The following NAALADL2 variants were observed in gnomAD, a reference collection of about 807,000 sequenced individuals.
NAALADL2 encodes N-acetylated alpha-linked acidic dipeptidase like 2.
In NAALADL2, 76 loss-of-function variants were observed where a neutral mutation model predicts 87.2. The ratio of observed to expected loss-of-function variants is 0.87; its 90% confidence interval spans 0.72 to 1.05. The LOEUF (loss-of-function observed/expected upper bound fraction) is 1.05. NAALADL2 is among the 50% of genes least tolerant of loss of function. The pLI, the probability that NAALADL2 is intolerant of heterozygous loss-of-function variation, is 0.00. For synonymous variants in NAALADL2, 354 were observed against 331.0 expected (o/e 1.07, Z -0.75); for missense variants, 1,089 against 945.8 (o/e 1.15, Z -1.99).
At chr3:174,881,971 T>C (rs890456718) in intron 1 of NAALADL2, among the ~76,000 whole-genome samples, 2 of 152,192 alleles carry the variant, frequency 1.3e-5, no homozygotes, top group African/African-American at 2.4e-5. Flanking sequence ...TTTAATGATA[T>C]GTATTTATCT....
chr3:174,496,983 A>G (rs1718589672), intron 1 of NAALADL2, among the ~76,000 whole-genome samples: 2 of 152,190 alleles, frequency 1.3e-5, no homozygotes, highest in African/African-American at 2.4e-5. Context: ...TACTTGTTCC[A>G]TTACTTGCTT....
In NAALADL2 at chr3:175,457,982, C is replaced by G. The variant is rs12495857; in HGVS notation, c.1235-5419C>G. ...AGATTCAATAGGTTATAAACCAGTA[C>G]TATTTGTATCTTAATACTCAAATTG... On this transcript the variant is annotated intron_variant, in intron 6 of 13. Transcript: ENST00000454872. Among the ~76,000 whole-genome samples the G allele has an allele frequency of 5.6e-3, 852 of 152,098 alleles. 3 individuals carry two copies. Among genetic ancestry groups the G allele is most frequent in the Middle Eastern group, 0.024 (7 of 294 alleles).
At chr3:174,727,176 G>A (rs1457215756) in intron 2 of NAALADL2, among the ~76,000 whole-genome samples, 1 of 150,340 alleles carries the variant, frequency 6.7e-6, no homozygotes, top group Non-Finnish European at 1.5e-5. Context: ...GTATTTCTGT[G>A]AGAAAAATGT....
At chr3:174,597,501 T>C (rs1718031395) in intron 2 of NAALADL2, among the ~76,000 whole-genome samples, 1 of 152,250 alleles carries the variant, frequency 6.6e-6, no homozygotes. Flanking sequence ...CAAGCAGGAC[T>C]TTTGTAAGGA....
At chr3:175,132,134 G>T (rs1244474950) in intron 2 of NAALADL2, among the ~76,000 whole-genome samples, 10 of 132,892 alleles carry the variant, frequency 7.5e-5, no homozygotes, top group African/African-American at 2.4e-4. Context: ...CCGGGCGGGG[G>T]GCTGACCCCC....
intron 1 of NAALADL2, among the ~76,000 whole-genome samples, chr3:175,002,795 A>G (rs1748421563): frequency 6.6e-6 from 1 of 152,208 alleles, no homozygotes; most frequent in Non-Finnish European, 1.5e-5. Context: ...ATTGCCCTGG[A>G]AAGACACTAA....
At chr3:175,233,770 A>C (rs1365512231) in intron 2 of NAALADL2, among the ~76,000 whole-genome samples, 161 bp from the exon 3 acceptor site, 1 of 151,980 alleles carries the variant, frequency 6.6e-6, no homozygotes, top group East Asian at 1.9e-4. Flanking sequence ...AATTCATTCC[A>C]CTTTGTTTTG....
At chr3:175,599,580 C>CT (rs1231961836) in intron 10 of NAALADL2, among the ~76,000 whole-genome samples, 3 of 152,100 alleles carry the variant, frequency 2.0e-5, no homozygotes, top group Non-Finnish European at 4.4e-5. Context: ...TTCTCCAACT[C>CT]TAAGTTATAT....
At chr3:174,696,549 T>A (rs1256546484) in intron 2 of NAALADL2, among the ~76,000 whole-genome samples, 1 of 150,040 alleles carries the variant, frequency 6.7e-6, no homozygotes, top group Non-Finnish European at 1.5e-5. Flanking sequence ...ACCGCCTTTA[T>A]TTTATCTTTG....
chr3:174,695,208 A>G (rs1000881559), intron 2 of NAALADL2, among the ~76,000 whole-genome samples: 57 of 152,152 alleles, frequency 3.7e-4, no homozygotes, highest in Non-Finnish European at 4.7e-4. Flanking sequence ...GGTGTGAATA[A>G]GACAGTCCTT....
At chr3:174,956,183 C>G (rs987108597) in intron 1 of NAALADL2, among the ~76,000 whole-genome samples, 1 of 151,986 alleles carries the variant, frequency 6.6e-6, no homozygotes, top group Non-Finnish European at 1.5e-5. Flanking sequence ...ATAGACAGCA[C>G]TCAACAGCCA....
At chr3:175,226,655 C>A (rs1290408868) in intron 2 of NAALADL2, among the ~76,000 whole-genome samples, 1 of 152,036 alleles carries the variant, frequency 6.6e-6, no homozygotes, top group East Asian at 1.9e-4. Context: ...GATGATTAAG[C>A]ATAATAGTAG....
At chr3:174,928,083 AAGT>A (rs1736350094) in intron 1 of NAALADL2, among the ~76,000 whole-genome samples, 1 of 152,182 alleles carries the variant, frequency 6.6e-6, no homozygotes, top group African/African-American at 2.4e-5. Flanking sequence ...AAAGAGAAAA[AAGT>A]CAGGAAATAC....
At chr3:174,577,457 T>A (rs1715656935) in intron 2 of NAALADL2, among the ~76,000 whole-genome samples, 1 of 152,094 alleles carries the variant, frequency 6.6e-6, no homozygotes, top group Non-Finnish European at 1.5e-5. Context: ...ATTTGTGTGG[T>A]TTGCCACCCA....
At chr3:175,364,066 G>A (rs1434312259) in intron 5 of NAALADL2, among the ~76,000 whole-genome samples, 1 of 147,686 alleles carries the variant, frequency 6.8e-6, no homozygotes, top group Non-Finnish European at 1.5e-5. Context: ...TAAAGTGGCT[G>A]TGTTAGTGAA....
At chr3:175,268,816 G>C (rs1454422368) in intron 4 of NAALADL2, among the ~76,000 whole-genome samples, 1 of 152,018 alleles carries the variant, frequency 6.6e-6, no homozygotes, top group Non-Finnish European at 1.5e-5. Flanking sequence ...TCCATGTCTT[G>C]TCCCACTGGA....
At chr3:174,960,217 A>C (rs1741777378) in intron 1 of NAALADL2, among the ~76,000 whole-genome samples, 1 of 152,098 alleles carries the variant, frequency 6.6e-6, no homozygotes, top group African/African-American at 2.4e-5. Flanking sequence ...TCCAGTCATC[A>C]TCATCCTCAT....
At chr3:174,980,091 T>C (rs776817696) in intron 1 of NAALADL2, among the ~76,000 whole-genome samples, 14 of 152,150 alleles carry the variant, frequency 9.2e-5, no homozygotes, top group Non-Finnish European at 1.6e-4. Context: ...CACCTCTTTC[T>C]CCGTTTACAT....
At chr3:175,309,254 C>A (rs948860752) in intron 4 of NAALADL2, among the ~76,000 whole-genome samples, 4 of 151,880 alleles carry the variant, frequency 2.6e-5, no homozygotes, top group Non-Finnish European at 4.4e-5. Flanking sequence ...GGCACGATCT[C>A]AACTCACTGT....
Sources: gnomAD v4.1 joint callset for allele counts (sites outside exome capture counted in the v4.1 genomes callset) on GRCh38, gnomAD v4.1.1 for gene constraint, MANE v1.5 for transcripts, NCBI Gene and HGNC (gene_info 2026-07-23, HGNC 2026-07-21) for gene names.